The following NTRK2 variants were observed in gnomAD, a reference collection of about 807,000 sequenced individuals.
The protein encoded by NTRK2 is neurotrophic receptor tyrosine kinase 2, also known as BDNF/NT-3 growth factors receptor.
NTRK2 carries 13 observed loss-of-function variants against 94.5 expected under a neutral mutation model. The observed-to-expected ratio is 0.14, with a 90% CI of 0.09 to 0.22. The LOEUF is 0.22. Among genes scored for constraint, NTRK2 ranks in the 10% least tolerant of loss-of-function variants. The pLI, the probability that NTRK2 is intolerant of heterozygous loss-of-function variation, is 1.00. For synonymous variants in NTRK2, 372 were observed against 407.4 expected, an observed-to-expected ratio of 0.91 and a Z score of 1.05; for missense variants, 639 against 1,071.2, an observed-to-expected ratio of 0.60 and a Z score of 5.63.
At chr9:84,899,615 C>T (rs1251590645) in intron 14 of NTRK2, among the ~76,000 whole-genome samples, 1 of 152,150 alleles carries the variant, frequency 6.6e-6, no homozygotes, top group African/African-American at 2.4e-5. Context: ...AGAATTGGAA[C>T]CAGCTGAGCT....
Position 84,670,504 on chromosome 9 carries a change from A to C in NTRK2, c.-245A>C. 1 of 538,236 alleles carries C rather than the reference A, an allele frequency of 1.9e-6. No individual in the cohort carries two copies. The highest frequency in any genetic ancestry group is 5.0e-4 in the Middle Eastern group (1 of 1,984). 33.3% of individuals were successfully genotyped at this position (538,236 alleles called of 1,614,324 possible). On this transcript the variant is annotated 5_prime_UTR_variant, in exon 2 of 19. Transcript: ENST00000277120. ...CAGCGACGGCCGCCGCGGAGCTCCG[A>C]GCAGCGGTAGCGCCCCCCTGTAAAG...
intron 17 of NTRK2, among the ~76,000 whole-genome samples, chr9:85,016,280 T>C (rs1326453507): frequency 6.6e-6 from 1 of 152,222 alleles, no homozygotes; most frequent in East Asian, 1.9e-4. Flanking sequence ...GAACTAGAAC[T>C]CCAGTCTCTT....
At chr9:84,877,509 G>C (rs2076110957) in intron 14 of NTRK2, 1 of 1,066,284 alleles carries the variant, frequency 9.4e-7, no homozygotes, top group African/African-American at 1.6e-5. Flanking sequence ...CTCTCTGTAA[G>C]CTCCCCATGT....
intron 14 of NTRK2, among the ~76,000 whole-genome samples, chr9:84,912,932 T>C (rs957823502): frequency 6.6e-6 from 1 of 152,186 alleles, no homozygotes; most frequent in African/African-American, 2.4e-5. Context: ...GCCTTATTTT[T>C]ATATTTGAAG....
At chr9:84,788,435 C>T (rs1179558079) in intron 12 of NTRK2, among the ~76,000 whole-genome samples, 1 of 152,130 alleles carries the variant, frequency 6.6e-6, no homozygotes, top group Non-Finnish European at 1.5e-5. Flanking sequence ...GAAAAGCAAA[C>T]ATCAGAGGGC....
intron 12 of NTRK2, among the ~76,000 whole-genome samples, chr9:84,858,975 A>G (rs753404712): frequency 6.6e-6 from 1 of 152,210 alleles, no homozygotes; most frequent in African/African-American, 2.4e-5. Flanking sequence ...CCTGAATCTC[A>G]GTTCCTCGTC....
rs1314025654 is a variant in NTRK2, at chr9:84,817,208, C to T, written c.1397-43832C>T. ...GGTTGGCGAGTCGTTGGGTGTACCT[C>T]GGTAAATGTCCACGAATTACAAACC... On this transcript the variant is annotated intron_variant, in intron 12 of 18. Coordinates refer to ENST00000277120, the MANE Select transcript of NTRK2 (RefSeq NM_006180.6). Among the ~76,000 whole-genome samples the T allele has an allele frequency of 3.9e-5, 6 of 152,102 alleles. No individual in the cohort carries two copies. In the East Asian group the frequency reaches 5.8e-4, roughly 15 times the overall value.
intron 14 of NTRK2, chr9:84,873,382 C>T: frequency 9.4e-7 from 1 of 1,058,890 alleles, no homozygotes; most frequent in East Asian, 5.2e-5. Context: ...ATTTTAGGAT[C>T]CTTAAAAATT....
chr9:84,836,866 T>A (rs1158791457), intron 12 of NTRK2, among the ~76,000 whole-genome samples: 1 of 150,706 alleles, frequency 6.6e-6, no homozygotes, highest in African/African-American at 2.4e-5. Context: ...CAAGCGAGTG[T>A]AACTTTGGGT....
intron 10 of NTRK2, among the ~76,000 whole-genome samples, chr9:84,744,191 C>G (rs985478726): frequency 1.3e-5 from 2 of 151,908 alleles, no homozygotes; most frequent in African/African-American, 4.8e-5. Context: ...CTTTGACAAC[C>G]CCTGAAAAAA....
intron 2 of NTRK2, among the ~76,000 whole-genome samples, chr9:84,681,753 T>A (rs765086203): frequency 3.9e-5 from 6 of 152,196 alleles, no homozygotes; most frequent in Non-Finnish European, 8.8e-5. Context: ...GATCTTATCC[T>A]GTCACTGCTT....
chr9:84,702,859 A>G (rs2060817745), intron 4 of NTRK2, among the ~76,000 whole-genome samples: 1 of 152,216 alleles, frequency 6.6e-6, no homozygotes, highest in Non-Finnish European at 1.5e-5. Flanking sequence ...TCTCTTTTGA[A>G]CCTTCATTTT....
chr9:84,693,092 A>T (rs1243370301), intron 2 of NTRK2, among the ~76,000 whole-genome samples: 1 of 152,216 alleles, frequency 6.6e-6, no homozygotes, highest in Admixed American at 6.5e-5. Context: ...TGGAAATTCA[A>T]AACTTTTTAA....
At chr9:84,917,580 G>A (rs2077432662) in intron 14 of NTRK2, among the ~76,000 whole-genome samples, 1 of 152,102 alleles carries the variant, frequency 6.6e-6, no homozygotes, top group African/African-American at 2.4e-5. Flanking sequence ...TCTTGCCTAG[G>A]GAGTACTGGT....
At chr9:84,673,709 A>G (rs1342685049) in intron 2 of NTRK2, among the ~76,000 whole-genome samples, 1 of 152,158 alleles carries the variant, frequency 6.6e-6, no homozygotes, top group East Asian at 1.9e-4. Context: ...TTGTTTTTAC[A>G]TGCATGCTTT....
intron 14 of NTRK2, among the ~76,000 whole-genome samples, chr9:84,929,556 T>C (rs1275520873): frequency 2.6e-5 from 4 of 151,810 alleles, no homozygotes; most frequent in African/African-American, 9.7e-5. Flanking sequence ...TGGTAGAGTT[T>C]GGTTCCTTTT....
At chr9:84,876,987 T>C in intron 14 of NTRK2, 1 of 1,061,266 alleles carries the variant, frequency 9.4e-7, no homozygotes, top group Non-Finnish European at 1.1e-6. Flanking sequence ...ATTTTCTTAG[T>C]AAGATATTGG....
chr9:84,912,611 CT>C (rs1212242779), intron 14 of NTRK2, among the ~76,000 whole-genome samples: 9,526 of 95,010 alleles, frequency 0.1, 244 homozygotes, highest in East Asian at 0.24. Flanking sequence ...TTTGACTTGC[CT>C]TTTTTTTTTT....
At chr9:84,876,800 C>T (rs562050310) in intron 14 of NTRK2, 1 of 1,061,998 alleles carries the variant, frequency 9.4e-7, no homozygotes, top group South Asian at 4.6e-5. Context: ...ATTTAGAAGG[C>T]TAGCCTTTCT....
Sources: gnomAD v4.1 joint callset for allele counts (sites outside exome capture counted in the v4.1 genomes callset) on GRCh38, gnomAD v4.1.1 for gene constraint, MANE v1.5 for transcripts, NCBI Gene and HGNC (gene_info 2026-07-23, HGNC 2026-07-21) for gene names.